The following C14orf39 variants were observed in gnomAD, a reference collection of about 807,000 sequenced individuals.
C14orf39 encodes the protein protein SIX6OS1.
Under a neutral mutation model 85.6 loss-of-function variants are expected in C14orf39, and 66 were observed. That is an observed-to-expected ratio of 0.77 (90% confidence interval 0.63 to 0.95). The LOEUF is 0.95. C14orf39 is among the 40% of genes least tolerant of loss of function. The pLI is 0.00. For synonymous variants in C14orf39, 242 were observed against 214.0 expected (o/e 1.13, Z -1.14); for missense variants, 735 against 663.9 (o/e 1.11, Z -1.18).
Position 60,469,606 on chromosome 14 carries a change from T to A in C14orf39, c.602A>T (p.Asn201Ile), listed in dbSNP as rs372274788. ...CAATTCGGATGAACTTTTGGTAAGA[T>A]TGCTGGCATGTTTAAGAATATCTTG... ...ETQDILKHAS[N>I]LTKSSSELKK... is the part of the protein sequence containing the mutation. The change falls in exon 8 of 18, where the codon AAT becomes ATT. Residue 201 changes from asparagine to isoleucine, a missense_variant. Transcript: ENST00000321731. 1.3e-6 allele frequency: 2 copies of A among 1,522,312 alleles called. No homozygotes were observed. The highest frequency in any genetic ancestry group is 2.8e-5 in the African/African-American group (2 of 72,176). 94.3% of individuals were successfully genotyped at this position (1,522,312 alleles called of 1,614,324 possible). A position where few individuals can be genotyped will look rare whatever the true frequency, so the allele number is the denominator to read the frequency against.
intron 17 of C14orf39, among the ~76,000 whole-genome samples, 194 bp downstream of exon 17, chr14:60,441,880 A>G (rs1890531344): frequency 6.6e-6 from 1 of 152,288 alleles, no homozygotes; most frequent in African/African-American, 2.4e-5. Flanking sequence ...AACCTTGGAG[A>G]AAGTAAGTTT....
intron 5 of C14orf39, 105 bp downstream of exon 5, chr14:60,478,195 A>AAAAAAAAAAAAAAAACC (rs1892484042): frequency 4.2e-6 from 1 of 239,912 alleles, no homozygotes; most frequent in Non-Finnish European, 8.7e-6. Flanking sequence ...AAAAAAAGAA[A>AAAAAAAAAAAAAAAACC]CTCCTTGAGT....
chr14:60,488,540 C>G (rs1187491818), upstream of C14orf39, among the ~76,000 whole-genome samples: 1 of 152,060 alleles, frequency 6.6e-6, no homozygotes, highest in African/African-American at 2.4e-5. Context: ...TAAAATTTTC[C>G]TTATCTATTA....
At chr14:60,449,881 T>A (rs1345087373) in intron 16 of C14orf39, among the ~76,000 whole-genome samples, 3 of 152,220 alleles carry the variant, frequency 2.0e-5, no homozygotes, top group Admixed American at 6.5e-5. Flanking sequence ...CAACATCCCA[T>A]AATTTTTGAT....
At chr14:60,488,302 T>A (rs2140172897), upstream of C14orf39, among the ~76,000 whole-genome samples, 1 of 152,276 alleles carries the variant, frequency 6.6e-6, no homozygotes, top group Non-Finnish European at 1.5e-5. Flanking sequence ...ATACCTAAGT[T>A]CTACCAACAC....
chr14:60,511,669 CTTAT>C (rs1893296509), intron 1 of C14orf39: 1 of 284,316 alleles, frequency 3.5e-6, no homozygotes, highest in Non-Finnish European at 6.8e-6. Context: ...TGTTTATTTA[CTTAT>C]TTAAGAGACC....
intron 1 of C14orf39, among the ~76,000 whole-genome samples, chr14:60,485,297 A>G (rs1035525418): frequency 2.0e-5 from 3 of 152,186 alleles, no homozygotes; most frequent in African/African-American, 7.2e-5. Context: ...ATCGTTGTTG[A>G]GTCGGGGCAC....
intron 8 of C14orf39, 74 bp from the exon 9 acceptor site, chr14:60,468,610 T>C (rs765868803): frequency 2.5e-6 from 2 of 784,336 alleles, no homozygotes; most frequent in Non-Finnish European, 3.9e-6. Context: ...CTTTATCTTA[T>C]GTTTTTTCTA....
At chr14:60,496,407 G>A (rs78206124) in intron 2 of C14orf39, 16,614 of 315,640 alleles carry the variant, frequency 0.053, 533 homozygotes, top group Middle Eastern at 0.073. Flanking sequence ...GGTGTGGGTG[G>A]CAGGGCAGTG....
At chr14:60,454,329 T>C (rs1891168347) in intron 16 of C14orf39, among the ~76,000 whole-genome samples, 1 of 151,974 alleles carries the variant, frequency 6.6e-6, no homozygotes, top group Non-Finnish European at 1.5e-5. Flanking sequence ...GGTACTTTTC[T>C]AAGTGCTTTA....
intron 1 of C14orf39, chr14:60,509,969 A>T (rs1355421682): frequency 6.3e-6 from 10 of 1,599,052 alleles, no homozygotes; most frequent in African/African-American, 2.7e-5. Flanking sequence ...AGCCAAGAAC[A>T]GGTCGGTACC....
In C14orf39 at chr14:60,514,786, G is replaced by A. The variant is rs561228065; in HGVS notation, c.-144+609C>T. Among the ~76,000 whole-genome samples, 5 of 152,362 alleles carry A rather than the reference G, an allele frequency of 3.3e-5. No homozygotes were observed. The South Asian group carries it at 6.2e-4, about 19-fold the overall frequency. On this transcript the variant is annotated intron_variant, in intron 1 of 5. Transcript: ENST00000556799. ...CAAAGAGAATGTGAATGGGGCGGGAGGAGAGGAGAAGCAGCTTTTCGCTCT... is the reference window on the plus strand; with the variant it reads ...CAAAGAGAATGTGAATGGGGCGGGAAGAGAGGAGAAGCAGCTTTTCGCTCT...
chr14:60,473,753 T>C (rs1432494709), intron 5 of C14orf39, among the ~76,000 whole-genome samples: 1 of 152,158 alleles, frequency 6.6e-6, no homozygotes, highest in East Asian at 1.9e-4. Context: ...TTCTGTTCCA[T>C]TGGTCTGTAT....
At chr14:60,468,650 C>T (rs1891915690) in intron 8 of C14orf39, 114 bp from the exon 9 acceptor site, 1 of 499,420 alleles carries the variant, frequency 2.0e-6, no homozygotes, top group Non-Finnish European at 3.4e-6. Flanking sequence ...TTTTTGATAG[C>T]ATTTACTATC....
At chr14:60,504,833 C>T (rs113514558) in intron 1 of C14orf39, among the ~76,000 whole-genome samples, 63 of 152,238 alleles carry the variant, frequency 4.1e-4, no homozygotes, top group African/African-American at 1.3e-3. Context: ...TATCCAAGTG[C>T]CTAGGATCAA....
At chr14:60,437,629 A>T (rs1009388126) in intron 17 of C14orf39, among the ~76,000 whole-genome samples, 1 of 152,036 alleles carries the variant, frequency 6.6e-6, no homozygotes, top group African/African-American at 2.4e-5. Context: ...TAGAAGTGGG[A>T]CTAACCAAAA....
At chr14:60,452,019 A>G (rs1595450535) in intron 16 of C14orf39, among the ~76,000 whole-genome samples, 1 of 150,680 alleles carries the variant, frequency 6.6e-6, no homozygotes, top group East Asian at 2.0e-4. Context: ...CATCTCTACT[A>G]AAGTACAAAA....
intron 14 of C14orf39, among the ~76,000 whole-genome samples, chr14:60,457,516 CT>C (rs921357246): frequency 7.9e-5 from 12 of 151,840 alleles, no homozygotes; most frequent in African/African-American, 1.4e-4. Flanking sequence ...CATTTTCACA[CT>C]TTTTTTGACC....
chr14:60,453,968 CAT>C (rs1341381260), intron 16 of C14orf39, among the ~76,000 whole-genome samples: 1 of 151,782 alleles, frequency 6.6e-6, no homozygotes, highest in African/African-American at 2.4e-5. Flanking sequence ...TCAAAGTGTA[CAT>C]GTTTCCTATT....
Sources: gnomAD v4.1 joint callset for allele counts (sites outside exome capture counted in the v4.1 genomes callset) on GRCh38, gnomAD v4.1.1 for gene constraint, MANE v1.5 for transcripts, NCBI Gene and HGNC (gene_info 2026-07-23, HGNC 2026-07-21) for gene names.